Variants in SRP54 observed in about 807,000 individuals in gnomAD.
SRP54 encodes signal recognition particle subunit SRP54.
In SRP54, 10 loss-of-function variants were observed where a neutral mutation model predicts 64.8. That is an observed-to-expected ratio of 0.15 (90% CI 0.10 to 0.26). SRP54 has a LOEUF of 0.26. Ranked by LOEUF, SRP54 falls within the 10% of genes least tolerant of loss-of-function variation. The probability of loss-of-function intolerance (pLI) is 1.00; values close to 1 mark genes in which losing one functional copy is unlikely to be tolerated. For missense variants in SRP54, 325 were observed against 613.7 expected, an observed-to-expected ratio of 0.53 and a Z score of 4.97; for synonymous variants, 193 against 185.6, an observed-to-expected ratio of 1.04 and a Z score of -0.32.
chr14:34,996,626 G>C, intron 1 of SRP54, 51 bp from the exon 2 acceptor site: 1 of 928,104 alleles, frequency 1.1e-6, no homozygotes. Context: ...GAACTCTTCA[G>C]TCATGGGAAG....
At chr14:34,984,112 T>C (rs2043854595) in intron 1 of SRP54, among the ~76,000 whole-genome samples, 4 of 152,220 alleles carry the variant, frequency 2.6e-5, no homozygotes, top group Admixed American at 2.6e-4. Flanking sequence ...AATCGCTTTT[T>C]CTCAGTTTTT....
At position 35,023,673 on chromosome 14, in the gene SRP54, A is replaced by G. The variant is rs979380010; in HGVS notation, c.1327+593A>G. Among the ~76,000 whole-genome samples the G allele has an allele frequency of 2.0e-5, 3 of 151,612 alleles. 1 individual carries two copies. In the East Asian group the frequency reaches 5.8e-4, roughly 29 times the overall value. ...GTGGGGTGTACCTGTTATCCCAGCT[A>G]CTCGGGAGGCTGAGGCAGGAGAATC... On this transcript the variant is annotated intron_variant, in intron 14 of 15. Coordinates refer to ENST00000216774, the MANE Select transcript of SRP54 (RefSeq NM_003136.4).
rs747805580 is a variant in SRP54 at position 35,009,371 on chromosome 14, TTCTA to T, written c.485+544_485+547del. On this transcript the variant is annotated intron_variant, in intron 7 of 15. Coordinates refer to ENST00000216774, the MANE Select transcript of SRP54 (RefSeq NM_003136.4). ...ACACACATGTTCTTATTAAGTGTAT[TTCTA>T]TCTGAGTTTTTGGTGGTGGTTCTTA... is the stretch of plus-strand genomic sequence containing the variant. Among the ~76,000 whole-genome samples the T allele has an allele frequency of 2.0e-5, 3 of 151,478 alleles. 1 individual carries two copies. Among genetic ancestry groups the T allele is most frequent in the African/African-American group, 7.3e-5 (3 of 41,284 alleles).
At chr14:34,993,449 A>G (rs1431996104) in intron 1 of SRP54, 5 of 152,106 alleles carry the variant, frequency 3.3e-5, no homozygotes, top group Admixed American at 6.5e-5. Context: ...TATGGTAAGC[A>G]ATTTTTTTTT....
chr14:34,995,388 G>A (rs2044056926), intron 1 of SRP54, among the ~76,000 whole-genome samples: 1 of 151,854 alleles, frequency 6.6e-6, no homozygotes, highest in South Asian at 2.1e-4. Context: ...TAATCCAAAG[G>A]CTTGAGACCC....
chr14:35,014,290 T>TTG (rs1555354849), intron 10 of SRP54, among the ~76,000 whole-genome samples: 25,144 of 127,486 alleles, frequency 0.2, 3,111 homozygotes, highest in East Asian at 0.4. Flanking sequence ...TTTTTTTTTT[T>TTG]TTTTGAGACG....
intron 3 of SRP54, 127 bp downstream of exon 3, chr14:34,999,776 T>TCTG: frequency 1.6e-6 from 1 of 633,396 alleles, no homozygotes; most frequent in Non-Finnish European, 2.8e-6. Context: ...AAGTGCTGTG[T>TCTG]TGGAGCTCAT....
intron 15 of SRP54, 145 bp from the exon 16 acceptor site, chr14:35,028,916 G>T: frequency 1.7e-6 from 1 of 587,042 alleles, no homozygotes; most frequent in Non-Finnish European, 3.0e-6. Flanking sequence ...CAAATTTTTA[G>T]GTGGTACGTT....
intron 12 of SRP54, 84 bp from the exon 13 acceptor site, chr14:35,018,882 A>G: frequency 7.1e-7 from 1 of 1,403,038 alleles, no homozygotes; most frequent in Non-Finnish European, 1.0e-6. Context: ...ACTTAGTGTC[A>G]ATATTAAACC....
chr14:34,985,850 T>G (rs942816042), intron 1 of SRP54, among the ~76,000 whole-genome samples: 1 of 152,234 alleles, frequency 6.6e-6, no homozygotes, highest in African/African-American at 2.4e-5. Flanking sequence ...GATTGAGCAT[T>G]TAATTTTTAC....
chr14:35,007,014 C>T (rs895631257), intron 4 of SRP54, among the ~76,000 whole-genome samples: 1 of 152,056 alleles, frequency 6.6e-6, no homozygotes, highest in African/African-American at 2.4e-5. Context: ...CATGGCAAGA[C>T]CCTGTCTCTA....
Position 35,001,017 on chromosome 14 carries a change from GA to G in SRP54, c.254del (p.Lys85SerfsTer3). ...AGCATGCTGTATTTAAAGAACTTGT[GA>G]AGGTAAAAGTATATGAAGATTATGC... Reference protein sequence around the residue: ...IQHAVFKELVKLVDPGVKAWT... With the variant: ...IQHAVFKELVXLVDPGVKAWT... On this transcript the variant is annotated frameshift_variant and splice_region_variant, in exon 4 of 16. Coordinates refer to ENST00000216774, the MANE Select transcript of SRP54 (RefSeq NM_003136.4). LOFTEE classifies it high-confidence loss of function. 1 of 1,550,760 alleles carries G rather than the reference GA, an allele frequency of 6.4e-7. No individual in the cohort carries two copies. The highest frequency in any genetic ancestry group is 8.8e-7 in the Non-Finnish European group (1 of 1,135,228).
chr14:35,011,451 A>G, intron 7 of SRP54, 58 bp from the exon 8 acceptor site: 1 of 1,295,596 alleles, frequency 7.7e-7, no homozygotes, highest in African/African-American at 1.5e-5. Context: ...TAACTTTCCG[A>G]ATTAGTAGTA....
intron 11 of SRP54, among the ~76,000 whole-genome samples, chr14:35,017,639 T>G (rs2139015084): frequency 6.6e-6 from 1 of 151,558 alleles, no homozygotes; most frequent in Non-Finnish European, 1.5e-5. Flanking sequence ...AGAAAATACT[T>G]TCTCTTTTGG....
Position 35,018,946 on chromosome 14 carries a change from T to A in SRP54, c.1048-20T>A, listed in dbSNP as rs2044483068. Reference sequence around the variant, plus strand: ...ATTAATCTTAAGCTACTATTGACTTTATGTTTAAATCTGTTGTAGGGGATG... The same window carrying A: ...ATTAATCTTAAGCTACTATTGACTTAATGTTTAAATCTGTTGTAGGGGATG... On this transcript the variant is annotated intron_variant, in intron 12 of 15. Transcript: ENST00000216774. 2 of 1,602,744 alleles carry A rather than the reference T, an allele frequency of 1.2e-6. No homozygotes were observed. The highest frequency in any genetic ancestry group is 4.5e-5 in the East Asian group (2 of 44,730).
intron 13 of SRP54, 21 bp from the exon 14 acceptor site, chr14:35,022,889 A>T: frequency 6.3e-7 from 1 of 1,579,766 alleles, no homozygotes. Context: ...TGTGTGTGAG[A>T]GTAACTGACC....
intron 3 of SRP54, 58 bp downstream of exon 3, chr14:34,999,707 AGGT>A: frequency 8.1e-7 from 1 of 1,241,016 alleles, no homozygotes; most frequent in Non-Finnish European, 1.2e-6. Context: ...TACTGGAAAG[AGGT>A]GCTAACTGGA....
chr14:35,016,687 T>C (rs2044443930), intron 11 of SRP54, among the ~76,000 whole-genome samples: 2 of 152,184 alleles, frequency 1.3e-5, no homozygotes, highest in Non-Finnish European at 2.9e-5. Flanking sequence ...TGTCTGTTTT[T>C]CCTGCTTGAA....
intron 7 of SRP54, among the ~76,000 whole-genome samples, chr14:35,010,953 T>C (rs1371764182): frequency 6.6e-6 from 1 of 152,216 alleles, no homozygotes; most frequent in South Asian, 2.1e-4. Flanking sequence ...CATGCCATGG[T>C]CTTGCTCTGT....
Sources: gnomAD v4.1 joint callset for allele counts (sites outside exome capture counted in the v4.1 genomes callset) on GRCh38, gnomAD v4.1.1 for gene constraint, MANE v1.5 for transcripts, NCBI Gene and HGNC (gene_info 2026-07-23, HGNC 2026-07-21) for gene names.